PDE1C: variants seen among roughly 807,000 people sequenced by gnomAD.
PDE1C encodes phosphodiesterase 1C.
A neutral mutation model predicts 93.1 loss-of-function variants in PDE1C; 62 were observed. That is an observed-to-expected ratio of 0.67 (90% CI 0.54 to 0.82). The LOEUF is 0.82. Ranked by LOEUF, PDE1C falls within the 40% of genes least tolerant of loss-of-function variation. PDE1C has a pLI of 0.00. For synonymous variants in PDE1C, 325 were observed against 310.1 expected (o/e 1.05, Z -0.50); for missense variants, 742 against 884.6 (o/e 0.84, Z 2.04).
chr7:32,089,839 ACTCT>A (rs1023731656), intron 3 of PDE1C, among the ~76,000 whole-genome samples: 2 of 152,296 alleles, frequency 1.3e-5, no homozygotes, highest in Non-Finnish European at 2.9e-5. Context: ...TATCTGGGAA[ACTCT>A]CTATCACCAC....
chr7:31,694,749 C>T, the PDE1C span, among the ~76,000 whole-genome samples: 2 of 152,114 alleles, frequency 1.3e-5, no homozygotes, highest in Admixed American at 1.3e-4. Flanking sequence ...AGAGGAGAGA[C>T]TTGAATGGGC....
intron 2 of PDE1C, among the ~76,000 whole-genome samples, chr7:32,040,746 G>A (rs557106661): frequency 6.6e-6 from 1 of 152,096 alleles, no homozygotes; most frequent in South Asian, 2.1e-4. Context: ...ATATTCTATG[G>A]CCACAAGAGA....
chr7:31,785,733 A>G (rs1783855998), intron 16 of PDE1C: 1 of 152,158 alleles, frequency 6.6e-6, no homozygotes, highest in Admixed American at 6.5e-5. Context: ...CATGTTCATG[A>G]TCAGATAAAC....
At chr7:32,279,867 GA>G (rs1357683386) in intron 1 of PDE1C, among the ~76,000 whole-genome samples, 3 of 152,116 alleles carry the variant, frequency 2.0e-5, no homozygotes, top group Admixed American at 6.6e-5. Flanking sequence ...TTGGTCTGAT[GA>G]AAAGTGTAAA....
At chr7:32,320,165 T>A (rs1316623092) in intron 1 of PDE1C, among the ~76,000 whole-genome samples, 1 of 152,244 alleles carries the variant, frequency 6.6e-6, no homozygotes, top group Non-Finnish European at 1.5e-5. Context: ...TTGTAAAGTT[T>A]ACTAAGGTTT....
At chr7:31,840,742 T>C (rs1791754626) in intron 9 of PDE1C, among the ~76,000 whole-genome samples, 1 of 152,186 alleles carries the variant, frequency 6.6e-6, no homozygotes, top group Non-Finnish European at 1.5e-5. Flanking sequence ...ATGAGTCAAT[T>C]TCAAAACTCT....
At chr7:31,982,013 A>G (rs1812448423) in intron 2 of PDE1C, among the ~76,000 whole-genome samples, 1 of 152,236 alleles carries the variant, frequency 6.6e-6, no homozygotes, top group South Asian at 2.1e-4. Context: ...GCTACCTTAG[A>G]TAACCCCCCT....
chr7:32,164,215 A>G lies in PDE1C; in HGVS notation c.308+5570T>C, dbSNP rs76490136. Among the ~76,000 whole-genome samples, 207 of 152,336 alleles carry G rather than the reference A, an allele frequency of 1.4e-3. 4 individuals are homozygous for G. Among genetic ancestry groups the G allele is most frequent in the East Asian group, 2.1e-3 (11 of 5,182 alleles). On this transcript the variant is annotated intron_variant, in intron 3 of 18. Transcript: ENST00000396193. ...TTTAACAGGATTCCCCAAGGAATTC[A>G]TTTAGACATAAGGTTTGAGAAGCAG...
At chr7:31,951,758 C>A (rs568489755) in intron 2 of PDE1C, among the ~76,000 whole-genome samples, 2 of 152,292 alleles carry the variant, frequency 1.3e-5, no homozygotes, top group East Asian at 1.9e-4. Flanking sequence ...TTGAAAGTCA[C>A]CCCTGGGTAA....
chr7:31,878,197 TC>T (rs1796828556), intron 4 of PDE1C, among the ~76,000 whole-genome samples, 161 bp from the exon 5 acceptor site: 1 of 152,122 alleles, frequency 6.6e-6, no homozygotes, highest in Non-Finnish European at 1.5e-5. Context: ...ACTCAGGTGG[TC>T]TAAGTGTTAA....
At chr7:32,016,888 A>G (rs1787978314) in intron 2 of PDE1C, among the ~76,000 whole-genome samples, 2 of 152,170 alleles carry the variant, frequency 1.3e-5, no homozygotes, top group Non-Finnish European at 2.9e-5. Flanking sequence ...TCCTCCTATA[A>G]ACAAGACACA....
the PDE1C span, among the ~76,000 whole-genome samples, chr7:31,694,916 A>T: frequency 6.6e-6 from 1 of 152,210 alleles, no homozygotes; most frequent in African/African-American, 2.4e-5. Context: ...ATGGGCAAAT[A>T]GGAGGGTTAC....
the PDE1C span, chr7:31,652,975 G>A: frequency 7.6e-6 from 11 of 1,447,590 alleles, no homozygotes; most frequent in Non-Finnish European, 1.0e-5. Context: ...TTAAACCCAA[G>A]AGGAGTTTAG....
At chr7:32,297,494 TG>T (rs1812661384) in intron 1 of PDE1C, among the ~76,000 whole-genome samples, 2 of 152,080 alleles carry the variant, frequency 1.3e-5, no homozygotes, top group African/African-American at 4.8e-5. Flanking sequence ...GGGCTCCACC[TG>T]AGACTTGGGT....
chr7:32,409,154 C>T (rs1901200), intron 1 of PDE1C, among the ~76,000 whole-genome samples: 4,839 of 152,000 alleles, frequency 0.032, 261 homozygotes, highest in African/African-American at 0.11. Flanking sequence ...CCCAGGAGTT[C>T]GAGACCAGCC....
At chr7:31,631,923 G>A in the PDE1C span, among the ~76,000 whole-genome samples, 6 of 152,122 alleles carry the variant, frequency 3.9e-5, no homozygotes, top group Admixed American at 2.6e-4. Flanking sequence ...TACAAGCTCC[G>A]TGATGGCAGG....
At chr7:32,047,025 A>C (rs1033578335) in intron 2 of PDE1C, among the ~76,000 whole-genome samples, 2 of 108,788 alleles carry the variant, frequency 1.8e-5, no homozygotes, top group Admixed American at 1.9e-4. Context: ...TATCATACTG[A>C]AATAGGGGTG....
chr7:32,172,613 A>T (rs1802718572), intron 2 of PDE1C, among the ~76,000 whole-genome samples: 1 of 152,146 alleles, frequency 6.6e-6, no homozygotes, highest in Non-Finnish European at 1.5e-5. Context: ...ACCTGAGGTC[A>T]GGAGTTCAAG....
chr7:32,343,342 T>G (rs1196439558), intron 1 of PDE1C, among the ~76,000 whole-genome samples: 1 of 152,210 alleles, frequency 6.6e-6, no homozygotes, highest in Non-Finnish European at 1.5e-5. Flanking sequence ...TTTTGGTCTG[T>G]GTGTTCCATA....
Sources: allele counts gnomAD v4.1 joint callset (sites outside exome capture counted in the v4.1 genomes callset), GRCh38; gene constraint gnomAD v4.1.1; transcripts MANE v1.5; gene names NCBI Gene and HGNC (gene_info 2026-07-23, HGNC 2026-07-21).